DPP6: variants seen among roughly 807,000 people sequenced by gnomAD.
DPP6 encodes the protein dipeptidyl peptidase like 6.
Under a neutral mutation model 122.6 loss-of-function variants are expected in DPP6, and 69 were observed. That is an observed-to-expected ratio of 0.56 (90% CI 0.46 to 0.69). DPP6 has a LOEUF of 0.69. DPP6 is among the 30% of genes least tolerant of loss of function. The pLI is 0.00. For synonymous variants in DPP6, 418 were observed against 433.1 expected, an observed-to-expected ratio of 0.97 and a Z score of 0.43; for missense variants, 928 against 1,116.9, an observed-to-expected ratio of 0.83 and a Z score of 2.41.
At chr7:154,489,145 A>G (rs1208013033) in intron 3 of DPP6, among the ~76,000 whole-genome samples, 1 of 152,120 alleles carries the variant, frequency 6.6e-6, no homozygotes, top group Non-Finnish European at 1.5e-5. Context: ...GGGTCTTCCA[A>G]CAACTGCATG....
chr7:153,905,811 A>G (rs1465167204), intron 1 of DPP6, among the ~76,000 whole-genome samples: 1 of 152,194 alleles, frequency 6.6e-6, no homozygotes, highest in Non-Finnish European at 1.5e-5. Flanking sequence ...CCGTGGGAGC[A>G]ATGGGGAGGA....
intron 1 of DPP6, among the ~76,000 whole-genome samples, chr7:153,959,733 A>G (rs1232706426): frequency 1.3e-5 from 2 of 152,236 alleles, no homozygotes; most frequent in Non-Finnish European, 2.9e-5. Flanking sequence ...CAGACCACTC[A>G]AAGTTTCTTC....
chr7:153,895,628 TTGG>T (rs879330327), intron 1 of DPP6, among the ~76,000 whole-genome samples: 115,141 of 151,890 alleles, frequency 0.76, 43,701 homozygotes, highest in Middle Eastern at 0.81. Context: ...TATAGTCCTA[TTGG>T]ACACAAAATC....
intron 1 of DPP6, among the ~76,000 whole-genome samples, chr7:154,404,555 T>C (rs1815909739): frequency 6.6e-6 from 1 of 152,024 alleles, no homozygotes; most frequent in Admixed American, 6.5e-5. Context: ...GCCAAGGACA[T>C]GAAGAGATGA....
chr7:154,299,344 C>G (rs1805751637), intron 1 of DPP6, among the ~76,000 whole-genome samples: 1 of 152,176 alleles, frequency 6.6e-6, no homozygotes, highest in Non-Finnish European at 1.5e-5. Flanking sequence ...CCTCCAAATG[C>G]AGGGAGAACT....
rs1292346775 is a variant in DPP6 at position 154,002,457 on chromosome 7, C to T, written c.51+114723C>T. 4.6e-5 allele frequency among the ~76,000 whole-genome samples: 7 copies of T among 152,358 alleles called. No homozygotes were observed. The East Asian group carries it at 1.3e-3, about 29-fold the overall frequency. On this transcript the variant is annotated intron_variant, in intron 1 of 25. Coordinates refer to the DPP6 transcript ENST00000404039. ...GCTTTCTCAACCACAAGAATTCCTG[C>T]AGAATTTGGCTATGTCTCATTCATT...
intron 1 of DPP6, among the ~76,000 whole-genome samples, chr7:154,084,977 G>T (rs1461245778): frequency 9.0e-6 from 1 of 110,714 alleles, no homozygotes; most frequent in African/African-American, 3.8e-5. Flanking sequence ...GCGACAGAGC[G>T]AGACTCCGTC....
chr7:153,780,109 TAGCA>T, the DPP6 span, among the ~76,000 whole-genome samples: 4 of 151,582 alleles, frequency 2.6e-5, no homozygotes, highest in African/African-American at 9.7e-5. Context: ...TTTAAAGAAA[TAGCA>T]AGCAAAAGAA....
chr7:154,878,774 A>G (rs369898095), intron 20 of DPP6, among the ~76,000 whole-genome samples: 2 of 152,120 alleles, frequency 1.3e-5, no homozygotes, highest in East Asian at 3.9e-4. Flanking sequence ...TCTCCTAGAG[A>G]CAGGTTGTCT....
chr7:154,314,934 A>T (rs1807303754), intron 1 of DPP6, among the ~76,000 whole-genome samples: 1 of 152,240 alleles, frequency 6.6e-6, no homozygotes, highest in Non-Finnish European at 1.5e-5. Flanking sequence ...CTCCAGGTAA[A>T]TCAAACCTAC....
intron 1 of DPP6, among the ~76,000 whole-genome samples, chr7:154,174,934 T>C (rs1797721324): frequency 6.6e-6 from 1 of 151,318 alleles, no homozygotes; most frequent in African/African-American, 2.4e-5. Context: ...TGGAGTACAG[T>C]GGCATGATCT....
At chr7:154,333,091 G>C (rs1476119105) in intron 1 of DPP6, among the ~76,000 whole-genome samples, 2 of 152,166 alleles carry the variant, frequency 1.3e-5, no homozygotes, top group African/African-American at 4.8e-5. Context: ...CGTCGTGATA[G>C]CAAATGTTCC....
At chr7:154,007,270 G>A (rs2129047665) in intron 1 of DPP6, among the ~76,000 whole-genome samples, 1 of 152,322 alleles carries the variant, frequency 6.6e-6, no homozygotes, top group African/African-American at 2.4e-5. Context: ...TTCACTCAAC[G>A]TCTGTGAGTA....
chr7:153,965,055 CTTTGG>C (rs1795622658), intron 1 of DPP6, among the ~76,000 whole-genome samples: 3 of 144,840 alleles, frequency 2.1e-5, no homozygotes, highest in East Asian at 2.0e-4. Flanking sequence ...AGAATTCAGA[CTTTGG>C]TTAATTGTGA....
At position 154,084,863 on chromosome 7, in the gene DPP6, G is replaced by A. The variant is rs531039536; in HGVS notation, c.243+31800G>A. ...AAATTAGCCGGGCATGGTGGTGGGC[G>A]CCTGGAGTCCCAGCTACTTGGGAGG... On this transcript the variant is annotated intron_variant, in intron 1 of 25. Transcript: ENST00000377770. 3.0e-4 allele frequency among the ~76,000 whole-genome samples: 46 copies of A among 151,880 alleles called. No homozygotes were observed. The South Asian group carries it at 3.8e-3, about 12-fold the overall frequency.
rs577955782 is a variant in DPP6 at position 154,710,577 on chromosome 7, G to A, written c.763-17190G>A. 1.6e-4 allele frequency among the ~76,000 whole-genome samples: 24 copies of A among 152,318 alleles called. No individual in the cohort carries two copies. In the East Asian group the frequency reaches 2.5e-3, roughly 16 times the overall value. On this transcript the variant is annotated intron_variant, in intron 7 of 25. Transcript: ENST00000377770. ...AGAAATTAAACCCATGCAGAGAAAC[G>A]AGCTCACCAGGACTCCTTAGGTTGT...
chr7:154,017,833 T>C (rs1251438583), intron 1 of DPP6, among the ~76,000 whole-genome samples: 2 of 151,776 alleles, frequency 1.3e-5, no homozygotes, highest in Non-Finnish European at 2.9e-5. Context: ...TGCTAATCCA[T>C]AGATACTCCT....
At chr7:154,639,846 A>G (rs1237538987) in intron 6 of DPP6, among the ~76,000 whole-genome samples, 1 of 152,224 alleles carries the variant, frequency 6.6e-6, no homozygotes, top group Non-Finnish European at 1.5e-5. Flanking sequence ...ACAACCTGCA[A>G]GAAAAGCATC....
chr7:154,053,192 G>C, intron 1 of DPP6, 129 bp downstream of exon 1: 2 of 867,058 alleles, frequency 2.3e-6, no homozygotes, highest in African/African-American at 3.7e-5. Flanking sequence ...CGACTCTCCG[G>C]GCGCCCCCAG....
Sources: allele counts gnomAD v4.1 joint callset (sites outside exome capture counted in the v4.1 genomes callset), GRCh38; gene constraint gnomAD v4.1.1; transcripts MANE v1.5; gene names NCBI Gene and HGNC (gene_info 2026-07-23, HGNC 2026-07-21).